The following GYG2 variants were observed in gnomAD, a reference collection of about 807,000 sequenced individuals.
GYG2 encodes glycogenin 2.
GYG2 carries 29 observed loss-of-function variants against 29.4 expected under a neutral mutation model. The observed-to-expected ratio is 0.99, with a 90% CI of 0.74 to 1.35. GYG2 has a LOEUF of 1.35. GYG2 is among the 40% of genes most tolerant of loss of function. GYG2 has a pLI of 0.00. For synonymous variants in GYG2, 167 were observed against 172.3 expected (o/e 0.97, Z 0.24); for missense variants, 370 against 385.7 (o/e 0.96, Z 0.34).
chrX:2,867,905 G>T (rs1164014964), intron 8 of GYG2, among the ~76,000 whole-genome samples: 4 of 111,214 alleles, frequency 3.6e-5, no homozygotes, highest in African/African-American at 1.3e-4. Context: ...AGACCAGCCT[G>T]GCCAACACGG....
At chrX:2,871,097 T>C (rs751692881) in intron 8 of GYG2, among the ~76,000 whole-genome samples, 39 of 109,953 alleles carry the variant, frequency 3.5e-4, no homozygotes, top group Non-Finnish European at 6.4e-4. Flanking sequence ...TGGAGGGAAA[T>C]TGGGCTTCAG....
At chrX:2,841,231 G>T (rs934714055) in intron 2 of GYG2, among the ~76,000 whole-genome samples, 3 of 110,171 alleles carry the variant, frequency 2.7e-5, no homozygotes, top group African/African-American at 9.9e-5. Flanking sequence ...TGGATAGATA[G>T]AGATAGATGA....
chrX:2,837,563 G>A (rs1603458604), intron 2 of GYG2, among the ~76,000 whole-genome samples: 3 of 110,026 alleles, frequency 2.7e-5, no homozygotes, highest in Admixed American at 9.7e-5. Context: ...GCCCCTCCTC[G>A]GGAGTTCTCT....
intron 2 of GYG2, among the ~76,000 whole-genome samples, chrX:2,831,483 A>C (rs771567279): frequency 1.8e-5 from 2 of 111,912 alleles, no homozygotes; most frequent in East Asian, 5.6e-4. Flanking sequence ...TTAGAGATGA[A>C]AATTGTCGGG....
chrX:2,881,146 G>A lies in GYG2; in HGVS notation c.1346G>A (p.Arg449His), dbSNP rs777207663. 1 of 1,206,426 alleles carries A rather than the reference G, an allele frequency of 8.3e-7. No individual in the cohort carries two copies. Among genetic ancestry groups the A allele is most frequent in the South Asian group, 1.8e-5 (1 of 55,974 alleles). Residue 449 changes from arginine to histidine, a missense_variant, in exon 11 of 11, where the codon CGT (arginine) becomes CAT (histidine). Arg to His is a conservative substitution (Grantham distance 29, BLOSUM62 0). Transcript: ENST00000398806. ...EEERRKWEEGRIDYMGKDAFA... is the reference protein window; with the variant it reads ...EEERRKWEEGHIDYMGKDAFA... ...GAGAGGAGGAAGTGGGAGGAAGGCC[G>A]TATCGACTACATGGGGAAGGACGCG...
intron 4 of GYG2, among the ~76,000 whole-genome samples, chrX:2,854,383 G>A (rs948384921): frequency 8.9e-6 from 1 of 112,015 alleles, no homozygotes; most frequent in Non-Finnish European, 1.9e-5. Context: ...CTTCATGCCC[G>A]GTTAATTTTT....
chrX:2,862,371 C>T (rs2088190047), intron 8 of GYG2, among the ~76,000 whole-genome samples: 1 of 111,744 alleles, frequency 8.9e-6, no homozygotes, highest in African/African-American at 3.3e-5. Context: ...CTGTTTCTTA[C>T]ATAGCAGCCT....
At chrX:2,854,232 T>G (rs748188591) in intron 4 of GYG2, 78 bp downstream of exon 4, 266 of 730,437 alleles carry the variant, frequency 3.6e-4, no homozygotes, top group East Asian at 1.0e-3. Context: ...CAACTTTTTT[T>G]TGTGTGTGTG....
At chrX:2,864,269 G>A (rs1178358248) in intron 8 of GYG2, among the ~76,000 whole-genome samples, 1 of 112,023 alleles carries the variant, frequency 8.9e-6, no homozygotes, top group Non-Finnish European at 1.9e-5. Context: ...ATACAATTTA[G>A]AGAGGATGAG....
chrX:2,856,752 G>GTATCTGTC lies in GYG2; in HGVS notation c.614+133_614+134insGTCTATCT, dbSNP rs1555898844. 2.4e-3 allele frequency: 406 copies of GTATCTGTC among 166,383 alleles called. 6 individuals carry two copies. The highest frequency in any genetic ancestry group is 0.014 in the African/African-American group (387 of 27,679). The allele number at this position is 166,383 out of a possible 1,213,427, so 13.7% of individuals were successfully genotyped here. Reference sequence around the variant, plus strand: ...ATCTATCTATCATCTATCTATCTATGTATCTATCTATCTATCTATCTATCT... The same window carrying GTATCTGTC: ...ATCTATCTATCATCTATCTATCTATGTATCTGTCTATCTATCTATCTATCTATCTATCT... On this transcript the variant is annotated intron_variant, in intron 6 of 10. Coordinates refer to ENST00000398806, the MANE Select transcript of GYG2 (RefSeq NM_001079855.2).
intron 2 of GYG2, among the ~76,000 whole-genome samples, chrX:2,832,701 A>T (rs2087292941): frequency 9.0e-6 from 1 of 111,401 alleles, no homozygotes; most frequent in African/African-American, 3.3e-5. Context: ...TGCCCGGCTC[A>T]CTTTTGTATT....
intron 3 of GYG2, among the ~76,000 whole-genome samples, chrX:2,849,397 A>C (rs2087817544): frequency 8.9e-6 from 1 of 111,912 alleles, no homozygotes; most frequent in African/African-American, 3.2e-5. Context: ...ATGCTAAGAG[A>C]TAGAAAAGGT....
chrX:2,879,854 T>A (rs5982605), intron 10 of GYG2, among the ~76,000 whole-genome samples: 26,710 of 109,824 alleles, frequency 0.24, 2,571 homozygotes, highest in Non-Finnish European at 0.29. Flanking sequence ...AATAGGTAGA[T>A]AGATGATGGA....
intron 3 of GYG2, among the ~76,000 whole-genome samples, chrX:2,844,571 C>T (rs1347180971): frequency 1.4e-5 from 1 of 72,769 alleles, no homozygotes; most frequent in Admixed American, 1.6e-4. Context: ...TATGTGTATA[C>T]GCACACGCAT....
At chrX:2,831,437 A>G (rs770012057) in intron 2 of GYG2, among the ~76,000 whole-genome samples, 1 of 111,856 alleles carries the variant, frequency 8.9e-6, no homozygotes, top group Non-Finnish European at 1.9e-5. Context: ...GGTAAATCAC[A>G]GAGCTGCTTC....
rs757282431 is a variant in GYG2 at position 2,830,161 on chromosome X, G to C, written c.-28G>C. 4 of 1,205,498 alleles carry C rather than the reference G, an allele frequency of 3.3e-6. No individual in the cohort carries two copies. In the East Asian group the frequency reaches 1.2e-4, roughly 36 times the overall value. ...CTCCCGGGCGCAGGTCTGCAGGTCCGCGCCCACTGCCCGCGGCGCCACTGA... is the reference window on the plus strand; with the variant it reads ...CTCCCGGGCGCAGGTCTGCAGGTCCCCGCCCACTGCCCGCGGCGCCACTGA... On this transcript the variant is annotated 5_prime_UTR_variant, in exon 2 of 11. Coordinates refer to ENST00000398806, the MANE Select transcript of GYG2 (RefSeq NM_001079855.2).
chrX:2,863,794 G>A (rs943079922), intron 8 of GYG2, among the ~76,000 whole-genome samples: 2 of 111,768 alleles, frequency 1.8e-5, no homozygotes, highest in African/African-American at 6.5e-5. Flanking sequence ...CCCAGGACGT[G>A]CCTCATGCGA....
chrX:2,831,649 A>G (rs1044011608), intron 2 of GYG2, among the ~76,000 whole-genome samples: 4 of 112,074 alleles, frequency 3.6e-5, no homozygotes, highest in Non-Finnish European at 5.6e-5. Flanking sequence ...TAATAGCAGC[A>G]TTCAAGACGG....
intron 6 of GYG2, among the ~76,000 whole-genome samples, chrX:2,858,069 T>C (rs1289274182): frequency 1.0e-5 from 1 of 98,376 alleles, no homozygotes; most frequent in Non-Finnish European, 2.2e-5. Context: ...AAATTTATGT[T>C]ACTGCATAAT....
Sources: gnomAD v4.1 joint callset for allele counts (sites outside exome capture counted in the v4.1 genomes callset) on GRCh38, gnomAD v4.1.1 for gene constraint, MANE v1.5 for transcripts, NCBI Gene and HGNC (gene_info 2026-07-23, HGNC 2026-07-21) for gene names.